The following GGNBP2 variants were observed in gnomAD, a reference collection of about 807,000 sequenced individuals.
The protein encoded by GGNBP2 is gametogenetin binding protein 2.
In GGNBP2, 10 loss-of-function variants were observed where a neutral mutation model predicts 85.9. That is an observed-to-expected ratio of 0.12 (90% confidence interval 0.07 to 0.20). GGNBP2 has a LOEUF of 0.20. Ranked by LOEUF, GGNBP2 falls within the 10% of genes least tolerant of loss-of-function variation. GGNBP2 has a pLI of 1.00. For synonymous variants in GGNBP2, 287 were observed against 285.7 expected, an observed-to-expected ratio of 1.00 and a Z score of -0.05; for missense variants, 595 against 857.8, an observed-to-expected ratio of 0.69 and a Z score of 3.83.
chr17:36,557,362 T>A, intron 4 of GGNBP2, 26 bp downstream of exon 4: 1 of 1,589,316 alleles, frequency 6.3e-7, no homozygotes, highest in Non-Finnish European at 8.6e-7. Context: ...TAGGAGAAAA[T>A]GGGTTTGTTA....
At chr17:36,559,372 TG>T (rs1268543140) in intron 4 of GGNBP2, among the ~76,000 whole-genome samples, 1 of 141,142 alleles carries the variant, frequency 7.1e-6, no homozygotes, top group Non-Finnish European at 1.5e-5. Context: ...TGAGGAGAAA[TG>T]TAACAGAGCT....
At chr17:36,569,241 G>A (rs1052485148) in intron 6 of GGNBP2, among the ~76,000 whole-genome samples, 6 of 152,040 alleles carry the variant, frequency 3.9e-5, no homozygotes, top group East Asian at 1.9e-4. Context: ...GCGAAACCCC[G>A]TGTCTACTAA....
intron 2 of GGNBP2, among the ~76,000 whole-genome samples, chr17:36,554,519 C>T (rs2074342993): frequency 6.6e-6 from 1 of 151,784 alleles, no homozygotes; most frequent in Non-Finnish European, 1.5e-5. Flanking sequence ...AGGCATGCGC[C>T]ACCAAACCTG....
intron 6 of GGNBP2, chr17:36,576,629 G>GTGTGTGTA (rs1203227585): frequency 8.8e-4 from 98 of 111,038 alleles, no homozygotes; most frequent in African/African-American, 3.4e-3. Context: ...GTGTGTGTGT[G>GTGTGTGTA]TATATGTATA....
At chr17:36,573,940 C>T (rs913194916) in intron 6 of GGNBP2, among the ~76,000 whole-genome samples, 2 of 152,086 alleles carry the variant, frequency 1.3e-5, no homozygotes, top group African/African-American at 4.8e-5. Context: ...GGCATGATCA[C>T]GGCTTTGCCC....
intron 6 of GGNBP2, among the ~76,000 whole-genome samples, chr17:36,575,644 A>ATTT (rs1195389811): frequency 1.3e-3 from 70 of 52,478 alleles, no homozygotes; most frequent in African/African-American, 3.4e-3. Flanking sequence ...ATATATATAT[A>ATTT]TATATTTTTT....
At chr17:36,560,110 C>T (rs1237284065) in intron 4 of GGNBP2, among the ~76,000 whole-genome samples, 4 of 151,984 alleles carry the variant, frequency 2.6e-5, no homozygotes, top group Non-Finnish European at 2.9e-5. Context: ...TGTGAGCCAC[C>T]ATGCCTGGCC....
At chr17:36,556,814 C>T (rs781158388) in intron 3 of GGNBP2, among the ~76,000 whole-genome samples, 7 of 142,676 alleles carry the variant, frequency 4.9e-5, no homozygotes, top group Admixed American at 2.2e-4. Context: ...ACTGAACCAG[C>T]CCTACATTTC....
chr17:36,569,766 T>A (rs1193587447), intron 6 of GGNBP2, among the ~76,000 whole-genome samples: 1 of 152,230 alleles, frequency 6.6e-6, no homozygotes, highest in Non-Finnish European at 1.5e-5. Flanking sequence ...CATATATCCT[T>A]CCTCTTTAAA....
chr17:36,550,911 C>G (rs1316693499), intron 2 of GGNBP2, among the ~76,000 whole-genome samples: 1 of 152,128 alleles, frequency 6.6e-6, no homozygotes, highest in Non-Finnish European at 1.5e-5. Context: ...CTTTGCCTTC[C>G]CCTTTTTATT....
intron 8 of GGNBP2, among the ~76,000 whole-genome samples, chr17:36,580,356 C>T (rs955972306): frequency 1.1e-4 from 16 of 151,494 alleles, no homozygotes; most frequent in Admixed American, 5.2e-4. Context: ...TGCAGGCGCC[C>T]GCCACCACGC....
rs1362957763 is a variant in GGNBP2, at chr17:36,585,980, AGT to A, written c.1492+16_1492+17del. 6.2e-7 allele frequency: 1 copy of A among 1,613,930 alleles called. No individual in the cohort carries two copies. The highest frequency in any genetic ancestry group is 8.5e-7 in the Non-Finnish European group (1 of 1,180,000). On this transcript the variant is annotated intron_variant, in intron 11 of 13. Transcript: ENST00000613102. ...TGATGAACACGGTAGGCTCACATTAAGTTTCCCAGTTATTTCTACTACATGGC... is the reference window on the plus strand; with the variant it reads ...TGATGAACACGGTAGGCTCACATTAATTCCCAGTTATTTCTACTACATGGC...
At chr17:36,554,716 T>A (rs2074345108) in intron 2 of GGNBP2, 104 bp from the exon 3 acceptor site, 5 of 784,016 alleles carry the variant, frequency 6.4e-6, no homozygotes, top group African/African-American at 1.7e-5. Context: ...GGGCTAGGGA[T>A]GGGTGCAAAT....
At chr17:36,563,214 CAAGA>C (rs2074436917) in intron 5 of GGNBP2, among the ~76,000 whole-genome samples, 1 of 151,844 alleles carries the variant, frequency 6.6e-6, no homozygotes, top group South Asian at 2.1e-4. Flanking sequence ...TGCATTGAGC[CAAGA>C]TCGCACCATT....
intron 13 of GGNBP2, among the ~76,000 whole-genome samples, chr17:36,588,511 C>T (rs931102654): frequency 6.6e-6 from 1 of 152,226 alleles, no homozygotes; most frequent in Non-Finnish European, 1.5e-5. Context: ...CCACCTCAGC[C>T]TCCCAAAGTG....
At chr17:36,568,090 T>C (rs1555606180) in intron 6 of GGNBP2, among the ~76,000 whole-genome samples, 1 of 152,106 alleles carries the variant, frequency 6.6e-6, no homozygotes, top group Admixed American at 6.6e-5. Flanking sequence ...CACACCCAGC[T>C]AATTTTTGTA....
chr17:36,560,945 T>A, intron 5 of GGNBP2, 74 bp downstream of exon 5: 1 of 793,234 alleles, frequency 1.3e-6, no homozygotes, highest in Non-Finnish European at 2.0e-6. Context: ...GTAAAAGAAA[T>A]AAACCCACTG....
At position 36,556,751 on chromosome 17, in the gene GGNBP2, C is replaced by CTTTT. The variant is rs10544073; in HGVS notation, c.175-306_175-303dup. ...AAAAAAAAGGTACAGCTGTATTGTG[C>CTTTT]TTTTTTTTTTTTTTTTTTTTTTTTT... On this transcript the variant is annotated intron_variant, in intron 3 of 13. Coordinates refer to ENST00000613102, the MANE Select transcript of GGNBP2 (RefSeq NM_024835.5). Among the ~76,000 whole-genome samples, 37 of 52,854 alleles carry CTTTT rather than the reference C, an allele frequency of 7.0e-4. 4 individuals carry two copies. The highest frequency in any genetic ancestry group is 1.7e-3 in the East Asian group (2 of 1,170). The allele number at this position is 52,854 out of a possible 152,430, so 34.7% of individuals were successfully genotyped here.
intron 4 of GGNBP2, among the ~76,000 whole-genome samples, chr17:36,559,253 C>T (rs1250929942): frequency 4.8e-5 from 7 of 144,410 alleles, no homozygotes; most frequent in Admixed American, 2.2e-4. Context: ...GGCAAGATTG[C>T]GCCACTGCAG....
Sources: gnomAD v4.1 joint callset for allele counts (sites outside exome capture counted in the v4.1 genomes callset) on GRCh38, gnomAD v4.1.1 for gene constraint, MANE v1.5 for transcripts, NCBI Gene and HGNC (gene_info 2026-07-23, HGNC 2026-07-21) for gene names.